KIAA0825: variants seen among roughly 807,000 people sequenced by gnomAD.
KIAA0825 encodes the protein KIAA0825, also known as uncharacterized protein KIAA0825.
In KIAA0825, 119 loss-of-function variants were observed where a neutral mutation model predicts 147.6. The ratio of observed to expected loss-of-function variants is 0.81; its 90% CI spans 0.69 to 0.94. The LOEUF (loss-of-function observed/expected upper bound fraction) is 0.94, where lower values mean the gene tolerates loss of function less well. Ranked by LOEUF, KIAA0825 falls within the 40% of genes least tolerant of loss-of-function variation. KIAA0825 has a pLI of 0.00. For missense variants in KIAA0825, 1,381 were observed against 1,472.7 expected, an observed-to-expected ratio of 0.94 and a Z score of 1.02; for synonymous variants, 470 against 518.1, an observed-to-expected ratio of 0.91 and a Z score of 1.26.
chr5:94,567,184 T>G (rs1778856436), intron 2 of KIAA0825, among the ~76,000 whole-genome samples: 1 of 152,192 alleles, frequency 6.6e-6, no homozygotes, highest in Non-Finnish European at 1.5e-5. Context: ...CAATTGTCCC[T>G]TTGATTTCAT....
chr5:94,175,269 TC>T (rs1768982189), intron 20 of KIAA0825, among the ~76,000 whole-genome samples: 1 of 152,210 alleles, frequency 6.6e-6, no homozygotes, highest in African/African-American at 2.4e-5. Flanking sequence ...AACATCCTTG[TC>T]TCATTGCTTC....
chr5:94,321,941 C>A (rs1430481318), intron 20 of KIAA0825, among the ~76,000 whole-genome samples: 1 of 151,834 alleles, frequency 6.6e-6, no homozygotes, highest in African/African-American at 2.4e-5. Context: ...GTATTCCCTA[C>A]TCTGAATTCC....
intron 20 of KIAA0825, among the ~76,000 whole-genome samples, chr5:94,340,293 G>A (rs1190579249): frequency 6.6e-6 from 1 of 151,960 alleles, no homozygotes; most frequent in Non-Finnish European, 1.5e-5. Context: ...TATTGTTTAG[G>A]AAATAATGAC....
intron 20 of KIAA0825, among the ~76,000 whole-genome samples, chr5:94,163,689 A>G (rs1281826762): frequency 1.3e-5 from 2 of 152,194 alleles, no homozygotes; most frequent in African/African-American, 2.4e-5. Context: ...TAATTAACTG[A>G]GTATAACAAT....
intron 1 of KIAA0825, among the ~76,000 whole-genome samples, chr5:94,613,647 G>C (rs998620595): frequency 5.9e-5 from 9 of 152,352 alleles, no homozygotes; most frequent in African/African-American, 2.2e-4. Flanking sequence ...CCCATACTTT[G>C]TTGGCCCAGC....
intron 14 of KIAA0825, among the ~76,000 whole-genome samples, chr5:94,430,228 G>A (rs1406780124): frequency 6.6e-6 from 1 of 152,178 alleles, no homozygotes; most frequent in Non-Finnish European, 1.5e-5. Context: ...TGCTCTGAAT[G>A]TATGAAGGCA....
At chr5:94,256,207 A>C (rs979061649) in intron 20 of KIAA0825, among the ~76,000 whole-genome samples, 5 of 152,130 alleles carry the variant, frequency 3.3e-5, no homozygotes, top group Admixed American at 2.6e-4. Context: ...CACAGCAGAA[A>C]ACTCAAGATA....
chr5:94,522,438 G>A (rs895562256), intron 4 of KIAA0825, among the ~76,000 whole-genome samples: 10 of 151,424 alleles, frequency 6.6e-5, no homozygotes, highest in African/African-American at 1.9e-4. Flanking sequence ...TTTTAAGTCC[G>A]TAAATAACTG....
intron 2 of KIAA0825, among the ~76,000 whole-genome samples, chr5:94,549,480 G>A (rs893318405): frequency 6.6e-6 from 1 of 152,202 alleles, no homozygotes; most frequent in Admixed American, 6.5e-5. Flanking sequence ...GAGAGGCTGA[G>A]GCAGGCAGAT....
At chr5:94,175,535 G>T (rs2149960916) in intron 20 of KIAA0825, among the ~76,000 whole-genome samples, 1 of 152,232 alleles carries the variant, frequency 6.6e-6, no homozygotes, top group East Asian at 1.9e-4. Context: ...TATCTTGGAA[G>T]AAGGCCTTAT....
intron 18 of KIAA0825, among the ~76,000 whole-genome samples, chr5:94,387,225 A>G (rs1288644521): frequency 1.3e-5 from 2 of 152,190 alleles, no homozygotes; most frequent in South Asian, 4.2e-4. Context: ...TTTTTCTTTG[A>G]GGTTAGGGTT....
At chr5:94,250,801 T>C (rs550189334) in intron 20 of KIAA0825, among the ~76,000 whole-genome samples, 9 of 152,118 alleles carry the variant, frequency 5.9e-5, no homozygotes, top group Non-Finnish European at 1.0e-4. Flanking sequence ...AAGCACTGAC[T>C]GTTGAAGACA....
intron 13 of KIAA0825, among the ~76,000 whole-genome samples, chr5:94,441,793 A>G (rs1417923062): frequency 1.3e-5 from 2 of 152,222 alleles, no homozygotes; most frequent in African/African-American, 4.8e-5. Context: ...TAGCAGCCAG[A>G]GCTAAGATAC....
At chr5:94,593,013 G>T (rs1784623567) in intron 1 of KIAA0825, 1 of 635,752 alleles carries the variant, frequency 1.6e-6, no homozygotes, top group Non-Finnish European at 3.0e-6. Context: ...AAAAGCAGAA[G>T]ATCAGTCTAT....
At chr5:94,508,719 C>T (rs991529881) in intron 5 of KIAA0825, among the ~76,000 whole-genome samples, 1 of 152,164 alleles carries the variant, frequency 6.6e-6, no homozygotes, top group Non-Finnish European at 1.5e-5. Context: ...AAGCACATTT[C>T]CCCTATGGAT....
chr5:94,473,307 T>C lies in KIAA0825; in HGVS notation c.1440A>G (p.Pro480=), dbSNP rs372420129. 44 of 1,551,652 alleles carry C rather than the reference T, an allele frequency of 2.8e-5. No individual in the cohort carries two copies. The highest frequency in any genetic ancestry group is 1.6e-4 in the African/African-American group (12 of 73,188). The change falls in exon 8 of 21, where the codon CCA becomes CCG. Residue 480 remains proline, a synonymous_variant. Coordinates refer to ENST00000682413, the MANE Select transcript of KIAA0825 (RefSeq NM_001145678.3). ...ATATACTTGCTTTTCCAATTTTCTT[T>C]GGTTGTTCCTCCTCAGGAAACATAT... ...DSHMFPEEEQ[P]KKIGKFCSDI...
chr5:94,348,156 C>T (rs966836624), intron 20 of KIAA0825, among the ~76,000 whole-genome samples: 1 of 151,958 alleles, frequency 6.6e-6, no homozygotes, highest in Non-Finnish European at 1.5e-5. Context: ...TGTTAAATGA[C>T]CAAACCTAAG....
At chr5:94,492,134 C>T (rs1318645265) in intron 5 of KIAA0825, among the ~76,000 whole-genome samples, 1 of 152,142 alleles carries the variant, frequency 6.6e-6, no homozygotes, top group African/African-American at 2.4e-5. Flanking sequence ...CTGGTGTCGC[C>T]ATCCCACCAC....
chr5:94,184,839 G>T (rs1292204279), intron 20 of KIAA0825, among the ~76,000 whole-genome samples: 1 of 152,050 alleles, frequency 6.6e-6, no homozygotes, highest in Non-Finnish European at 1.5e-5. Flanking sequence ...TCTGTACTTT[G>T]TCAATGAAGA....
Sources: allele counts gnomAD v4.1 joint callset (sites outside exome capture counted in the v4.1 genomes callset), GRCh38; gene constraint gnomAD v4.1.1; transcripts MANE v1.5; gene names NCBI Gene and HGNC (gene_info 2026-07-23, HGNC 2026-07-21).